The following PRUNE1 variants were observed in gnomAD, a reference collection of about 807,000 sequenced individuals.
PRUNE1 encodes the protein prune exopolyphosphatase 1, also known as exopolyphosphatase PRUNE1.
A neutral mutation model predicts 42.5 loss-of-function variants in PRUNE1; 25 were observed. The observed-to-expected ratio is 0.59, with a 90% CI of 0.43 to 0.82. The LOEUF is 0.82. Ranked by LOEUF, PRUNE1 falls within the 40% of genes least tolerant of loss-of-function variation. PRUNE1 has a pLI of 0.00. For synonymous variants in PRUNE1, 203 were observed against 217.1 expected, an observed-to-expected ratio of 0.93 and a Z score of 0.57; for missense variants, 443 against 539.3, an observed-to-expected ratio of 0.82 and a Z score of 1.77.
intron 4 of PRUNE1, among the ~76,000 whole-genome samples, chr1:151,025,249 ATC>A (rs759235224): frequency 1.3e-5 from 2 of 152,038 alleles, no homozygotes; most frequent in African/African-American, 2.4e-5. Context: ...GAAGAGGTGT[ATC>A]TCTGTCTGAC....
rs879780761 is a variant in PRUNE1 at position 151,009,079 on chromosome 1, G to A, written c.39+408G>A. ...CCTCTTTGAGTTCTCCGCTCCCAAGGCTTCGCTTGGCCCACTGGCCTCCAG... is the reference window on the plus strand; with the variant it reads ...CCTCTTTGAGTTCTCCGCTCCCAAGACTTCGCTTGGCCCACTGGCCTCCAG... On this transcript the variant is annotated intron_variant, in intron 1 of 7. Coordinates refer to ENST00000271620, the MANE Select transcript of PRUNE1 (RefSeq NM_021222.3). Among the ~76,000 whole-genome samples, 12 of 152,194 alleles carry A rather than the reference G, an allele frequency of 7.9e-5. No homozygotes were observed. The Middle Eastern group carries it at 0.01, about 129-fold the overall frequency.
At position 151,033,888 on chromosome 1, in the gene PRUNE1, A is replaced by G. The variant is rs369087771; in HGVS notation, c.1016A>G (p.Tyr339Cys). Residue 339 changes from tyrosine to cysteine, a missense_variant, in exon 8 of 8, where the codon TAT becomes TGT. Physicochemically the swap from Tyr to Cys is radical, Grantham distance 194. Transcript: ENST00000271620. The part of the protein sequence containing the change: ...ASSTHPNLHA[Y>C]LQGNTQVSRK... The stretch of plus-strand genomic sequence containing the variant: ...AGTACCCACCCTAACCTCCATGCCT[A>G]TCTTCAAGGCAACACCCAGGTCTCT... 7.0e-5 allele frequency: 113 copies of G among 1,613,604 alleles called. No individual in the cohort carries two copies. In the South Asian group the frequency reaches 9.4e-4, roughly 13 times the overall value.
rs1428961380 is a variant in PRUNE1 at position 151,034,889 on chromosome 1, C to T, written c.*655C>T. The T allele has an allele frequency of 1.3e-5, 2 of 152,698 alleles. No individual in the cohort carries two copies. The highest frequency in any genetic ancestry group is 4.8e-5 in the African/African-American group (2 of 41,456). The allele number at this position is 152,698 out of a possible 1,614,324, so 9.5% of individuals were successfully genotyped here. ...TTGTCTTCTGTCCTGATCAGGTGGC[C>T]TGGCTGTTTCTTTGGATCCCTCTGT... On this transcript the variant is annotated 3_prime_UTR_variant, in exon 8 of 8. Transcript: ENST00000271620.
chr1:151,027,790 G>GCGCGCGCGCA (rs1259170586), intron 6 of PRUNE1, among the ~76,000 whole-genome samples: 5 of 150,592 alleles, frequency 3.3e-5, no homozygotes, highest in African/African-American at 1.2e-4. Context: ...GTGCGCGCGC[G>GCGCGCGCGCA]TGTATGTATG....
intron 1 of PRUNE1, among the ~76,000 whole-genome samples, chr1:151,011,280 G>A (rs1222757457): frequency 3.3e-5 from 5 of 152,068 alleles, no homozygotes; most frequent in Non-Finnish European, 7.4e-5. Context: ...TGATACCACA[G>A]AAATTTTCTA....
intron 5 of PRUNE1, 56 bp from the exon 6 acceptor site, chr1:151,027,177 G>A: frequency 7.6e-7 from 1 of 1,313,924 alleles, no homozygotes; most frequent in Non-Finnish European, 1.1e-6. Context: ...TTGCCTTCTT[G>A]GTCTTGGGAC....
In PRUNE1 at chr1:151,024,540, G is replaced by A; in HGVS notation, c.336-71G>A. ...CATTTTCCTTGATGTGTGGGGTAGA[G>A]GTTGGCTAGAAGCAGCTGGAGTGTC... On this transcript the variant is annotated intron_variant, in intron 3 of 7. Transcript: ENST00000271620. 2.1e-6 allele frequency: 3 copies of A among 1,413,508 alleles called. No individual in the cohort carries two copies. The South Asian group carries it at 3.6e-5, about 17-fold the overall frequency. 87.6% of individuals were successfully genotyped at this position (1,413,508 alleles called of 1,614,324 possible). A position where few individuals can be genotyped will look rare whatever the true frequency, so the allele number is the denominator to read the frequency against.
At chr1:151,023,491 G>A (rs189386400) in intron 3 of PRUNE1, among the ~76,000 whole-genome samples, 4 of 152,064 alleles carry the variant, frequency 2.6e-5, no homozygotes, top group African/African-American at 7.2e-5. Flanking sequence ...AGGCCGAGGC[G>A]GGCGGATCAC....
rs778238151 is a variant in PRUNE1, at chr1:151,025,506, T to C, written c.521-9T>C. The C allele has an allele frequency of 6.2e-7, 1 of 1,611,378 alleles. No individual in the cohort carries two copies. ...AGGATTCAAGTTCCACCATCTCCCT[T>C]CTCCACAGGAACCATCATCCTGGAC... is the stretch of plus-strand genomic sequence containing the variant. On this transcript the variant is annotated splice_polypyrimidine_tract_variant and intron_variant, in intron 4 of 7. Coordinates refer to ENST00000271620, the MANE Select transcript of PRUNE1 (RefSeq NM_021222.3).
intron 5 of PRUNE1, among the ~76,000 whole-genome samples, chr1:151,025,939 C>G (rs1301667205): frequency 6.6e-6 from 1 of 151,754 alleles, no homozygotes; most frequent in East Asian, 2.0e-4. Context: ...TCGGGTTTCA[C>G]CATGTTGACC....
chr1:151,034,602 G>T lies in PRUNE1; in HGVS notation c.*368G>T. 4.8e-6 allele frequency: 1 copy of T among 207,308 alleles called. No individual in the cohort carries two copies. The highest frequency in any genetic ancestry group is 2.3e-5 in the African/African-American group (1 of 44,382). 12.8% of individuals were successfully genotyped at this position (207,308 alleles called of 1,614,324 possible). A position where few individuals can be genotyped will look rare whatever the true frequency, so the allele number is the denominator to read the frequency against. ...CAGAACCAGTATCTGTCATGGAACT[G>T]AACATTCATCGATGGTCTCCATGTA... On this transcript the variant is annotated 3_prime_UTR_variant, in exon 8 of 8. Transcript: ENST00000271620.
At position 151,016,888 on chromosome 1, in the gene PRUNE1, C is replaced by T. The variant is rs587703881; in HGVS notation, c.40-924C>T. Among the ~76,000 whole-genome samples, 21 of 151,670 alleles carry T rather than the reference C, an allele frequency of 1.4e-4. No individual in the cohort carries two copies. The East Asian group carries it at 2.2e-3, about 16-fold the overall frequency. On this transcript the variant is annotated intron_variant, in intron 1 of 7. Coordinates refer to ENST00000271620, the MANE Select transcript of PRUNE1 (RefSeq NM_021222.3). Reference sequence around the variant, plus strand: ...AGAAGTGTAAGCATTCGGCCGAGCACGGTGGCTCACGCCTGTAATCCCAGC... The same window carrying T: ...AGAAGTGTAAGCATTCGGCCGAGCATGGTGGCTCACGCCTGTAATCCCAGC...
At chr1:151,022,471 T>G (rs192395631) in intron 3 of PRUNE1, among the ~76,000 whole-genome samples, 2 of 145,572 alleles carry the variant, frequency 1.4e-5, no homozygotes, top group Non-Finnish European at 1.5e-5. Context: ...CAGGCTGGAG[T>G]GCACTGGCGC....
chr1:151,014,297 G>A (rs1161002018), intron 1 of PRUNE1, among the ~76,000 whole-genome samples: 2 of 152,142 alleles, frequency 1.3e-5, no homozygotes, highest in East Asian at 3.9e-4. Context: ...AACTCTTGAA[G>A]TAGACTTAGA....
rs587684563 is a variant in PRUNE1 at position 151,024,657 on chromosome 1, C to G, written c.382C>G (p.Arg128Gly). 4 of 1,613,408 alleles carry G rather than the reference C, an allele frequency of 2.5e-6. No homozygotes were observed. In the South Asian group the frequency reaches 4.4e-5, roughly 18 times the overall value. ...EEAVAEVLDH[R>G]PIEPKHCPPC... ...GGCAGTAGCAGAGGTGCTAGACCATCGACCCATCGAGCCGAAACACTGCCC... is the reference window on the plus strand; with the variant it reads ...GGCAGTAGCAGAGGTGCTAGACCATGGACCCATCGAGCCGAAACACTGCCC... The change falls in exon 4 of 8, where the codon CGA becomes GGA. Residue 128 changes from arginine (R) to glycine (G), a missense_variant. Coordinates refer to ENST00000271620, the MANE Select transcript of PRUNE1 (RefSeq NM_021222.3).
At chr1:151,022,184 C>T (rs1372898804) in intron 3 of PRUNE1, among the ~76,000 whole-genome samples, 4 of 148,330 alleles carry the variant, frequency 2.7e-5, no homozygotes, top group African/African-American at 7.5e-5. Context: ...CATCTCGGCT[C>T]ACTGCAGTGA....
intron 7 of PRUNE1, among the ~76,000 whole-genome samples, chr1:151,032,713 C>CA (rs35078895): frequency 0.71 from 97,938 of 138,202 alleles, 35,484 homozygotes; most frequent in East Asian, 0.87. Context: ...GACTCTGTCT[C>CA]AAAAAAAAAA....
rs1349648171 is a variant in PRUNE1, at chr1:151,034,823, G to A, written c.*589G>A. ...GCTGAATTTCTATTCTTAGCTTATTGTGACTGTTTCAGATCTAGTTTGGGA... is the reference window on the plus strand; with the variant it reads ...GCTGAATTTCTATTCTTAGCTTATTATGACTGTTTCAGATCTAGTTTGGGA... On this transcript the variant is annotated 3_prime_UTR_variant, in exon 8 of 8. Transcript: ENST00000271620. 2 of 157,026 alleles carry A rather than the reference G, an allele frequency of 1.3e-5. No homozygotes were observed. Among genetic ancestry groups the A allele is most frequent in the East Asian group, 1.9e-4 (1 of 5,340 alleles). The allele number at this position is 157,026 out of a possible 1,614,324, so 9.7% of individuals were successfully genotyped here.
At position 151,034,412 on chromosome 1, in the gene PRUNE1, C is replaced by A. The variant is rs1013051173; in HGVS notation, c.*178C>A. ...AAGCAGCTGCTTTAAGAATGGTTTT[C>A]CACCTTTTCCCCCTAATCTCTACCA... On this transcript the variant is annotated 3_prime_UTR_variant, in exon 8 of 8. Coordinates refer to ENST00000271620, the MANE Select transcript of PRUNE1 (RefSeq NM_021222.3). The A allele has an allele frequency of 1.7e-5, 11 of 630,916 alleles. No individual in the cohort carries two copies. Among genetic ancestry groups the A allele is most frequent in the Admixed American group, 3.0e-5 (1 of 33,668 alleles). The allele number at this position is 630,916 out of a possible 1,614,324, so 39.1% of individuals were successfully genotyped here. A position where few individuals can be genotyped will look rare whatever the true frequency, so the allele number is the denominator to read the frequency against.
Sources: allele counts gnomAD v4.1 joint callset (sites outside exome capture counted in the v4.1 genomes callset), GRCh38; gene constraint gnomAD v4.1.1; transcripts MANE v1.5; gene names NCBI Gene and HGNC (gene_info 2026-07-23, HGNC 2026-07-21).